Variants in RBFOX1 observed in about 807,000 individuals in gnomAD.
The protein encoded by RBFOX1 is RNA binding protein fox-1 homolog 1.
Under a neutral mutation model 57.7 loss-of-function variants are expected in RBFOX1, and 8 were observed. That is an observed-to-expected ratio of 0.14 (90% CI 0.08 to 0.25). RBFOX1 has a LOEUF of 0.25. RBFOX1 is among the 10% of genes least tolerant of loss of function. The probability of loss-of-function intolerance (pLI) is 1.00; values close to 1 mark genes in which losing one functional copy is unlikely to be tolerated. For synonymous variants in RBFOX1, 326 were observed against 222.4 expected (o/e 1.47, Z -4.15); for missense variants, 611 against 548.5 (o/e 1.11, Z -1.14).
chr16:7,531,666 G>A (rs952135863), intron 5 of RBFOX1, among the ~76,000 whole-genome samples: 1 of 152,118 alleles, frequency 6.6e-6, no homozygotes, highest in Non-Finnish European at 1.5e-5. Flanking sequence ...TACGGATGAG[G>A]GAACTGAGGC....
rs957780844 is a variant in RBFOX1, at chr16:6,467,944, C to G, written c.-64+150887C>G. Among the ~76,000 whole-genome samples the G allele has an allele frequency of 9.9e-5, 15 of 152,144 alleles. No individual in the cohort carries two copies. In the East Asian group the frequency reaches 2.9e-3, roughly 29 times the overall value. On this transcript the variant is annotated intron_variant, in intron 2 of 15. Coordinates refer to ENST00000550418, the MANE Select transcript of RBFOX1 (RefSeq NM_018723.4). ...CAATAAAGGGTTAATGGGAAAATCC[C>G]AGAATCTGCTTTCTTTTTAATGTTT...
intron 3 of RBFOX1, among the ~76,000 whole-genome samples, chr16:6,861,916 C>A (rs555873093): frequency 1.4e-5 from 2 of 138,770 alleles, no homozygotes; most frequent in East Asian, 4.6e-4. Flanking sequence ...AGAGCTCTCT[C>A]TGGCACTGGC....
intron 1 of RBFOX1, among the ~76,000 whole-genome samples, chr16:5,347,480 A>C (rs918713328): frequency 6.6e-6 from 1 of 152,164 alleles, no homozygotes; most frequent in African/African-American, 2.4e-5. Flanking sequence ...AATAATTATC[A>C]TTGAAGGCAA....
chr16:5,435,967 T>C (rs1285233238), intron 1 of RBFOX1, among the ~76,000 whole-genome samples: 1 of 152,232 alleles, frequency 6.6e-6, no homozygotes, highest in Non-Finnish European at 1.5e-5. Flanking sequence ...ATTTGAAGTC[T>C]TTGAAGATTT....
At chr16:7,088,380 G>T (rs2060302813) in intron 4 of RBFOX1, among the ~76,000 whole-genome samples, 1 of 152,124 alleles carries the variant, frequency 6.6e-6, no homozygotes, top group Admixed American at 6.5e-5. Context: ...TCATTTTGGG[G>T]TTGAGTGCTG....
chr16:6,210,358 C>CAAAAAAAAAAAAAAAAAAAAAAAAAA (rs1567684381), intron 1 of RBFOX1, among the ~76,000 whole-genome samples: 2 of 96,686 alleles, frequency 2.1e-5, no homozygotes, highest in African/African-American at 3.7e-5. Context: ...AAAAAAAAAA[C>CAAAAAAAAAAAAAAAAAAAAAAAAAA]ACCAAAAAAA....
chr16:7,120,823 G>GCATA (rs2066959969), intron 4 of RBFOX1, among the ~76,000 whole-genome samples: 1 of 136,968 alleles, frequency 7.3e-6, no homozygotes, highest in Non-Finnish European at 1.6e-5. Context: ...TTTTATATAT[G>GCATA]TATATATACA....
chr16:5,579,760 CTT>C (rs113942886), intron 2 of RBFOX1, among the ~76,000 whole-genome samples: 5 of 144,366 alleles, frequency 3.5e-5, no homozygotes, highest in Admixed American at 1.4e-4. Context: ...TTCTTTCTTT[CTT>C]TTTTTTTTTT....
At chr16:6,910,262 C>G (rs979136525) in intron 3 of RBFOX1, among the ~76,000 whole-genome samples, 3 of 152,128 alleles carry the variant, frequency 2.0e-5, no homozygotes, top group African/African-American at 4.8e-5. Context: ...CAGGCATTTT[C>G]TCCATACTTC....
intron 2 of RBFOX1, among the ~76,000 whole-genome samples, chr16:5,589,565 C>G (rs1231295770): frequency 1.3e-5 from 2 of 152,192 alleles, no homozygotes; most frequent in African/African-American, 4.8e-5. Context: ...ACTCCAGAGC[C>G]TGTTTAACCC....
chr16:7,166,163 G>A (rs1181709247), intron 4 of RBFOX1, among the ~76,000 whole-genome samples: 1 of 152,058 alleles, frequency 6.6e-6, no homozygotes, highest in Non-Finnish European at 1.5e-5. Context: ...ACAGGTGCAT[G>A]CCAGCACACC....
At chr16:7,184,910 A>G (rs939527738) in intron 4 of RBFOX1, among the ~76,000 whole-genome samples, 4 of 152,060 alleles carry the variant, frequency 2.6e-5, no homozygotes, top group Non-Finnish European at 5.9e-5. Flanking sequence ...AACCATAATA[A>G]TGCTTACTTG....
chr16:6,493,492 A>G lies in RBFOX1; in HGVS notation c.-63-161111A>G, dbSNP rs184637111. ...GCTAAAAGTTGTATACAGTACTATT[A>G]TTTTTTTTATTCATCTGTGGGTCAT... On this transcript the variant is annotated intron_variant, in intron 2 of 15. Coordinates refer to ENST00000550418, the MANE Select transcript of RBFOX1 (RefSeq NM_018723.4). Among the ~76,000 whole-genome samples, 4 of 151,938 alleles carry G rather than the reference A, an allele frequency of 2.6e-5. No homozygotes were observed. The East Asian group carries it at 7.7e-4, about 29-fold the overall frequency.
intron 3 of RBFOX1, among the ~76,000 whole-genome samples, chr16:6,810,079 C>G (rs1158806396): frequency 6.7e-6 from 1 of 148,268 alleles, no homozygotes; most frequent in Non-Finnish European, 1.5e-5. Context: ...CTGATGGGGT[C>G]TCAGGAAGGA....
chr16:6,208,906 A>G (rs752404488), intron 1 of RBFOX1, among the ~76,000 whole-genome samples: 1 of 151,906 alleles, frequency 6.6e-6, no homozygotes, highest in Non-Finnish European at 1.5e-5. Flanking sequence ...GAGGCTAAGT[A>G]TCTGTTTATC....
At chr16:6,075,153 A>C (rs1283641946) in intron 1 of RBFOX1, among the ~76,000 whole-genome samples, 1 of 152,184 alleles carries the variant, frequency 6.6e-6, no homozygotes, top group South Asian at 2.1e-4. Flanking sequence ...CAGAAGTGAC[A>C]TGACTTGAAC....
intron 1 of RBFOX1, among the ~76,000 whole-genome samples, chr16:5,259,660 T>C (rs946008460): frequency 1.2e-4 from 19 of 152,328 alleles, no homozygotes; most frequent in Admixed American, 1.0e-3. Flanking sequence ...AAGAATCTTT[T>C]TGCCCTTCAG....
At chr16:5,485,403 A>T (rs1381886515) in intron 2 of RBFOX1, among the ~76,000 whole-genome samples, 1 of 149,686 alleles carries the variant, frequency 6.7e-6, no homozygotes, top group African/African-American at 2.5e-5. Flanking sequence ...ACGGAATAGG[A>T]CTCTCCAAGT....
At chr16:7,066,591 C>T (rs1024739945) in intron 4 of RBFOX1, among the ~76,000 whole-genome samples, 3 of 152,176 alleles carry the variant, frequency 2.0e-5, no homozygotes, top group Admixed American at 6.6e-5. Flanking sequence ...ACCTTCTTGA[C>T]CCTGACTCAT....
Sources: allele counts gnomAD v4.1 joint callset (sites outside exome capture counted in the v4.1 genomes callset), GRCh38; gene constraint gnomAD v4.1.1; transcripts MANE v1.5; gene names NCBI Gene and HGNC (gene_info 2026-07-23, HGNC 2026-07-21).